PXDNL: variants seen among roughly 807,000 people sequenced by gnomAD.
PXDNL encodes peroxidasin like, also known as probable oxidoreductase PXDNL.
In PXDNL, 145 loss-of-function variants were observed where a neutral mutation model predicts 150.8. That is an observed-to-expected ratio of 0.96 (90% CI 0.84 to 1.10). The LOEUF (loss-of-function observed/expected upper bound fraction) is 1.10. Ranked by LOEUF, PXDNL falls within the 50% of genes least tolerant of loss-of-function variation. The pLI, the probability that PXDNL is intolerant of heterozygous loss-of-function variation, is 0.00. For synonymous variants in PXDNL, 757 were observed against 725.7 expected (o/e 1.04, Z -0.69); for missense variants, 2,087 against 1,873.9 (o/e 1.11, Z -2.10).
chr8:51,526,907 C>A (rs150249105), intron 4 of PXDNL, among the ~76,000 whole-genome samples: 1 of 152,130 alleles, frequency 6.6e-6, no homozygotes, highest in Non-Finnish European at 1.5e-5. Flanking sequence ...ATGCTTCCTC[C>A]GGCCAGCCCC....
chr8:51,339,553 T>G (rs986133749), intron 21 of PXDNL, 71 bp downstream of exon 21: 3 of 1,450,116 alleles, frequency 2.1e-6, no homozygotes, highest in Non-Finnish European at 2.9e-6. Flanking sequence ...GGAGAGTTAC[T>G]GGACAAATCT....
At chr8:51,629,106 A>T (rs1320877524) in intron 2 of PXDNL, among the ~76,000 whole-genome samples, 1 of 152,272 alleles carries the variant, frequency 6.6e-6, no homozygotes, top group East Asian at 1.9e-4. Context: ...AATATGCTTT[A>T]AAAAAAGCCA....
chr8:51,758,683 C>G (rs1018425400), intron 1 of PXDNL, among the ~76,000 whole-genome samples: 3 of 152,190 alleles, frequency 2.0e-5, no homozygotes, highest in African/African-American at 7.2e-5. Flanking sequence ...TTCCTGCCAC[C>G]TTGTGAAGAA....
intron 3 of PXDNL, among the ~76,000 whole-genome samples, chr8:51,589,683 A>T (rs1294208211): frequency 6.6e-6 from 1 of 152,218 alleles, no homozygotes; most frequent in Non-Finnish European, 1.5e-5. Flanking sequence ...AAGATGTCTC[A>T]TGCGAGAAAT....
At chr8:51,541,510 T>C (rs1812216887) in intron 4 of PXDNL, among the ~76,000 whole-genome samples, 2 of 152,210 alleles carry the variant, frequency 1.3e-5, no homozygotes, top group South Asian at 4.1e-4. Context: ...GGGAAGTTTT[T>C]GGCCCAGGAA....
intron 1 of PXDNL, among the ~76,000 whole-genome samples, chr8:51,666,807 T>G (rs1228491072): frequency 6.6e-6 from 1 of 152,216 alleles, no homozygotes; most frequent in African/African-American, 2.4e-5. Context: ...CCCTCTTGCA[T>G]GCAGCTGTGG....
intron 4 of PXDNL, among the ~76,000 whole-genome samples, chr8:51,507,027 A>G (rs1045891632): frequency 2.0e-5 from 3 of 152,140 alleles, no homozygotes; most frequent in Admixed American, 6.5e-5. Flanking sequence ...CTTGTGTCAG[A>G]TGTAACTTCA....
chr8:51,404,847 A>G (rs1421324770), intron 17 of PXDNL, among the ~76,000 whole-genome samples: 1 of 152,184 alleles, frequency 6.6e-6, no homozygotes, highest in Non-Finnish European at 1.5e-5. Context: ...TGGGCGGTCG[A>G]TGGGACTGGG....
At chr8:51,386,883 T>C (rs1807734055) in intron 17 of PXDNL, among the ~76,000 whole-genome samples, 1 of 152,188 alleles carries the variant, frequency 6.6e-6, no homozygotes, top group Non-Finnish European at 1.5e-5. Context: ...GCATTTTATT[T>C]CTATTATTCT....
intron 8 of PXDNL, among the ~76,000 whole-genome samples, chr8:51,468,755 G>A (rs1810258503): frequency 6.6e-6 from 1 of 151,506 alleles, no homozygotes; most frequent in South Asian, 2.1e-4. Context: ...CATCTTAATT[G>A]TTAATATGCA....
intron 1 of PXDNL, among the ~76,000 whole-genome samples, chr8:51,678,538 T>TA (rs1216281460): frequency 6.6e-6 from 1 of 151,104 alleles, no homozygotes. Flanking sequence ...TATGCAGCCA[T>TA]AAAAAATGAT....
At chr8:51,800,292 TTA>T (rs2129262754) in intron 1 of PXDNL, among the ~76,000 whole-genome samples, 1 of 152,314 alleles carries the variant, frequency 6.6e-6, no homozygotes, top group African/African-American at 2.4e-5. Flanking sequence ...GTAAAATATT[TTA>T]TGTTAATATA....
intron 5 of PXDNL, among the ~76,000 whole-genome samples, chr8:51,484,163 G>A (rs200917809): frequency 1.6e-4 from 24 of 151,926 alleles, no homozygotes; most frequent in East Asian, 1.9e-4. Context: ...AAATACAGGC[G>A]TGGTGGCTCA....
chr8:51,376,868 G>A (rs1425399396), intron 17 of PXDNL, among the ~76,000 whole-genome samples: 2 of 151,784 alleles, frequency 1.3e-5, no homozygotes, highest in African/African-American at 4.8e-5. Context: ...ACAGGCGCCC[G>A]CCACAATGCC....
chr8:51,606,078 T>TA (rs34740078), intron 2 of PXDNL, among the ~76,000 whole-genome samples: 12,826 of 152,194 alleles, frequency 0.084, 626 homozygotes, highest in South Asian at 0.095. Flanking sequence ...GATCTCTTTT[T>TA]AAAAAAAGAA....
intron 1 of PXDNL, among the ~76,000 whole-genome samples, chr8:51,722,809 T>C (rs1189075727): frequency 6.6e-6 from 1 of 152,148 alleles, no homozygotes; most frequent in Non-Finnish European, 1.5e-5. Flanking sequence ...GATGGGGACA[T>C]GGCAGACCAA....
chr8:51,620,696 G>C (rs1288002493), intron 2 of PXDNL, among the ~76,000 whole-genome samples: 1 of 96,862 alleles, frequency 1.0e-5, no homozygotes, highest in African/African-American at 4.2e-5. Flanking sequence ...GGTGCACGCT[G>C]CCACGCCCGG....
At chr8:51,386,009 T>A (rs1040774202) in intron 17 of PXDNL, among the ~76,000 whole-genome samples, 1 of 152,172 alleles carries the variant, frequency 6.6e-6, no homozygotes, top group Admixed American at 6.5e-5. Flanking sequence ...TAGACCATGG[T>A]ATTGATATAA....
intron 1 of PXDNL, among the ~76,000 whole-genome samples, chr8:51,665,003 G>A (rs566298732): frequency 6.8e-4 from 103 of 152,244 alleles, no homozygotes; most frequent in African/African-American, 2.4e-3. Flanking sequence ...GGGAGCACCC[G>A]CACAGGAGGT....
Sources: gnomAD v4.1 joint callset for allele counts (sites outside exome capture counted in the v4.1 genomes callset) on GRCh38, gnomAD v4.1.1 for gene constraint, MANE v1.5 for transcripts, NCBI Gene and HGNC (gene_info 2026-07-23, HGNC 2026-07-21) for gene names.